Variants in WDR64 observed in about 807,000 individuals in gnomAD.
The protein encoded by WDR64 is WD repeat-containing protein 64.
In WDR64, 112 loss-of-function variants were observed where a neutral mutation model predicts 139.3. That is an observed-to-expected ratio of 0.80 (90% CI 0.69 to 0.94). WDR64 has a LOEUF of 0.94. Ranked by LOEUF, WDR64 falls within the 40% of genes least tolerant of loss-of-function variation. The pLI is 0.00. For missense variants in WDR64, 1,206 were observed against 1,293.1 expected (o/e 0.93, Z 1.03); for synonymous variants, 444 against 437.7 (o/e 1.01, Z -0.18).
chr1:241,770,219 G>A (rs6665240), intron 17 of WDR64, among the ~76,000 whole-genome samples: 25,751 of 152,108 alleles, frequency 0.17, 2,525 homozygotes, highest in African/African-American at 0.25. Context: ...GCCGGTTTCA[G>A]TGGAGTGCCA....
chr1:241,682,466 A>G lies in WDR64; in HGVS notation c.625-1021A>G, dbSNP rs1035910460. On this transcript the variant is annotated intron_variant, in intron 6 of 27. Coordinates refer to ENST00000437684, the MANE Select transcript of WDR64 (RefSeq NM_001367482.1). ...ATTTGGATTTATTTCTGAGTTCTCT[A>G]TTCTGTTCCATTGGTCTATGTGCCT... 1.1e-4 allele frequency among the ~76,000 whole-genome samples: 17 copies of G among 152,248 alleles called. No individual in the cohort carries two copies. In the South Asian group the frequency reaches 3.1e-3, roughly 28 times the overall value.
intron 16 of WDR64, among the ~76,000 whole-genome samples, chr1:241,767,826 C>T (rs1290996819): frequency 6.6e-6 from 1 of 152,162 alleles, no homozygotes; most frequent in Non-Finnish European, 1.5e-5. Flanking sequence ...ACCCCCCTTT[C>T]TGCACCTCAG....
chr1:241,663,065 C>T (rs1414828705), intron 2 of WDR64, among the ~76,000 whole-genome samples: 2 of 152,040 alleles, frequency 1.3e-5, no homozygotes, highest in Non-Finnish European at 2.9e-5. Flanking sequence ...TCCATGAACA[C>T]CAGCAATAAC....
At chr1:241,743,858 CTT>C (rs1669647587) in intron 12 of WDR64, among the ~76,000 whole-genome samples, 1 of 152,260 alleles carries the variant, frequency 6.6e-6, no homozygotes, top group African/African-American at 2.4e-5. Flanking sequence ...CTGTCTCTCT[CTT>C]TCTCTTTGTG....
intron 10 of WDR64, among the ~76,000 whole-genome samples, chr1:241,728,592 G>T (rs532030095): frequency 6.6e-6 from 1 of 152,202 alleles, no homozygotes; most frequent in African/African-American, 2.4e-5. Flanking sequence ...CTTTCCACCA[G>T]GATATTACTT....
intron 12 of WDR64, among the ~76,000 whole-genome samples, chr1:241,743,408 C>G (rs1669627772): frequency 6.6e-6 from 1 of 152,170 alleles, no homozygotes; most frequent in Non-Finnish European, 1.5e-5. Context: ...GCCAGACTGA[C>G]TTCACTCAAA....
chr1:241,654,038 C>T (rs1665480719), intron 1 of WDR64, among the ~76,000 whole-genome samples: 1 of 152,162 alleles, frequency 6.6e-6, no homozygotes, highest in Non-Finnish European at 1.5e-5. Flanking sequence ...TATGGGATGT[C>T]TGCTTCTCTC....
rs1372614157 is a variant in WDR64, at chr1:241,769,476, G to T, written c.2154G>T (p.Leu718=). ...AGCACTTTAAAATTAATGACATACT[G>T]TTCCTCTTTCGTACCCCTGAATGTG... ...HPKHFKINDI[L]FLFRTPECAR... The change falls in exon 17 of 28, where the codon CTG becomes CTT. Residue 718 remains leucine, a synonymous_variant. Coordinates refer to ENST00000437684, the MANE Select transcript of WDR64 (RefSeq NM_001367482.1). The T allele has an allele frequency of 6.4e-7, 1 of 1,551,450 alleles. No homozygotes were observed.
rs573144359 is a variant in WDR64, at chr1:241,738,712, T to C, written c.1321+223T>C. ...ACTGCACTTTTCTGAAAATACCAGG[T>C]TGGTTATTGCTTTAAGTTCTTGAAC... is the stretch of plus-strand genomic sequence containing the variant. On this transcript the variant is annotated intron_variant, in intron 11 of 27. Transcript: ENST00000437684. 8.0e-4 allele frequency among the ~76,000 whole-genome samples: 122 copies of C among 152,298 alleles called. 1 individual carries two copies. The highest frequency in any genetic ancestry group is 2.6e-4 in the Non-Finnish European group (18 of 68,022).
chr1:241,778,455 T>A (rs1658740695), intron 21 of WDR64, among the ~76,000 whole-genome samples: 1 of 152,208 alleles, frequency 6.6e-6, no homozygotes, highest in South Asian at 2.1e-4. Flanking sequence ...ACTCTGACAC[T>A]CTCTTTGTTT....
intron 1 of WDR64, among the ~76,000 whole-genome samples, chr1:241,653,927 C>A (rs12130136): frequency 0.29 from 43,846 of 151,954 alleles, 7,253 homozygotes; most frequent in Middle Eastern, 0.43. Flanking sequence ...CTTGACTGGG[C>A]CTTCTAAACT....
intron 25 of WDR64, among the ~76,000 whole-genome samples, chr1:241,794,561 T>A (rs1281028973): frequency 7.7e-6 from 1 of 130,456 alleles, no homozygotes; most frequent in African/African-American, 2.9e-5. Flanking sequence ...CAGGCTGGAG[T>A]GCAGTGCTGT....
chr1:241,684,092 G>A (rs1264663149), intron 7 of WDR64, among the ~76,000 whole-genome samples: 2 of 152,052 alleles, frequency 1.3e-5, no homozygotes, highest in Non-Finnish European at 2.9e-5. Flanking sequence ...AAATATAAAA[G>A]CAATGGATAT....
intron 8 of WDR64, among the ~76,000 whole-genome samples, chr1:241,710,866 T>C (rs532523688): frequency 3.7e-4 from 56 of 152,260 alleles, no homozygotes; most frequent in Non-Finnish European, 6.5e-4. Flanking sequence ...TGTGATCTAA[T>C]TCATATTTTA....
At chr1:241,752,166 A>G (rs567494397) in intron 14 of WDR64, among the ~76,000 whole-genome samples, 12 of 152,336 alleles carry the variant, frequency 7.9e-5, no homozygotes, top group African/African-American at 2.2e-4. Context: ...TAACATAATA[A>G]TGCTCTTAGC....
intron 27 of WDR64, among the ~76,000 whole-genome samples, chr1:241,800,400 T>C (rs6690875): frequency 0.012 from 1,834 of 152,322 alleles, 40 homozygotes; most frequent in African/African-American, 0.041. Context: ...GTATTGTGAA[T>C]ATTGGTTGAA....
chr1:241,777,885 G>C (rs141664659), intron 21 of WDR64, among the ~76,000 whole-genome samples: 49 of 152,184 alleles, frequency 3.2e-4, no homozygotes, highest in African/African-American at 9.9e-4. Flanking sequence ...AACATACATT[G>C]TATGATGTCT....
intron 1 of WDR64, among the ~76,000 whole-genome samples, chr1:241,654,881 G>C (rs919390617): frequency 9.2e-5 from 14 of 152,124 alleles, no homozygotes; most frequent in Non-Finnish European, 1.5e-5. Flanking sequence ...TGTATATTAA[G>C]TGTAAATAAA....
At chr1:241,722,007 G>T (rs1476123885) in intron 9 of WDR64, among the ~76,000 whole-genome samples, 1 of 144,216 alleles carries the variant, frequency 6.9e-6, no homozygotes, top group Non-Finnish European at 1.5e-5. Flanking sequence ...TGAAAATGCA[G>T]CCAGTTTTTT....
Sources: gnomAD v4.1 joint callset for allele counts (sites outside exome capture counted in the v4.1 genomes callset) on GRCh38, gnomAD v4.1.1 for gene constraint, MANE v1.5 for transcripts, NCBI Gene and HGNC (gene_info 2026-07-23, HGNC 2026-07-21) for gene names.